Variants in IRAK3 observed in about 807,000 individuals in gnomAD.
IRAK3 encodes interleukin-1 receptor-associated kinase 3.
Under a neutral mutation model 56.6 loss-of-function variants are expected in IRAK3, and 57 were observed. That is an observed-to-expected ratio of 1.01 (90% CI 0.81 to 1.26). The LOEUF is 1.26. IRAK3 is among the 50% of genes most tolerant of loss of function. IRAK3 has a pLI of 0.00. For missense variants in IRAK3, 703 were observed against 719.0 expected, an observed-to-expected ratio of 0.98 and a Z score of 0.25; for synonymous variants, 258 against 255.7, an observed-to-expected ratio of 1.01 and a Z score of -0.09.
rs528657105 is a variant in IRAK3, at chr12:66,248,426, C to T, written c.*255C>T. 48 of 370,264 alleles carry T rather than the reference C, an allele frequency of 1.3e-4. 1 individual carries two copies. In the South Asian group the frequency reaches 2.1e-3, roughly 16 times the overall value. The allele number at this position is 370,264 out of a possible 1,614,324, so 22.9% of individuals were successfully genotyped here. On this transcript the variant is annotated 3_prime_UTR_variant, in exon 12 of 12. Coordinates refer to ENST00000261233, the MANE Select transcript of IRAK3 (RefSeq NM_007199.3). ...GCTCAATTAGAGCCATTCAAAATTC[C>T]TTAAGATCATGGGTTCTGACTTCAG...
At chr12:66,231,671 T>C (rs1304132168) in intron 8 of IRAK3, among the ~76,000 whole-genome samples, 2 of 152,218 alleles carry the variant, frequency 1.3e-5, no homozygotes, top group African/African-American at 2.4e-5. Flanking sequence ...AGAATATTCC[T>C]GGTGGAGGCA....
Position 66,209,513 on chromosome 12 carries a change from T to G in IRAK3, c.374T>G (p.Leu125Ter). 6.4e-7 allele frequency: 1 copy of G among 1,568,448 alleles called. No individual in the cohort carries two copies. The highest frequency in any genetic ancestry group is 8.8e-7 in the Non-Finnish European group (1 of 1,138,652). Residue 125 changes from leucine to a stop codon, truncating the protein, a stop_gained, in exon 3 of 12, where the codon TTA (leucine) becomes TGA (stop). Transcript: ENST00000261233. LOFTEE classifies it high-confidence loss of function. ...SYQEGGFPNI[L>*]FKETANVTVD... ...CAGGAAGGTGGATTTCCAAATATAT[T>G]ATTCAAGGTAGAGTATGTGTGCATA... is the stretch of plus-strand genomic sequence containing the variant.
In IRAK3 at chr12:66,189,227, T is replaced by A; in HGVS notation, c.-73T>A. The A allele has an allele frequency of 1.3e-6, 2 of 1,513,440 alleles. No homozygotes were observed. Among genetic ancestry groups the A allele is most frequent in the Non-Finnish European group, 1.8e-6 (2 of 1,130,454 alleles). 93.8% of individuals were successfully genotyped at this position (1,513,440 alleles called of 1,614,324 possible). On this transcript the variant is annotated 5_prime_UTR_variant, in exon 1 of 12. The change creates a new upstream start codon in the 5' untranslated region. Coordinates refer to ENST00000261233, the MANE Select transcript of IRAK3 (RefSeq NM_007199.3). ...CGTCGTGGAAGCAGGATTTCCGCGGTTGTGTAACGGCCTGTCGCAGGCGTG... is the reference window on the plus strand; with the variant it reads ...CGTCGTGGAAGCAGGATTTCCGCGGATGTGTAACGGCCTGTCGCAGGCGTG...
rs1280946751 is a variant in IRAK3, at chr12:66,254,277, C to T, written c.*6106C>T. On this transcript the variant is annotated 3_prime_UTR_variant, in exon 12 of 12. Coordinates refer to ENST00000261233, the MANE Select transcript of IRAK3 (RefSeq NM_007199.3). ...TATGATATTAAAACATTGGAAACAA[C>T]TGAAACATCCTTCAGTAAAAGATGG... 6.6e-6 allele frequency: 1 copy of T among 152,098 alleles called. No individual in the cohort carries two copies. Among genetic ancestry groups the T allele is most frequent in the Non-Finnish European group, 1.5e-5 (1 of 67,998 alleles). The allele number at this position is 152,098 out of a possible 1,614,324, so 9.4% of individuals were successfully genotyped here. A position where few individuals can be genotyped will look rare whatever the true frequency, so the allele number is the denominator to read the frequency against.
rs1422678991 is a variant in IRAK3 at position 66,249,968 on chromosome 12, G to A, written c.*1797G>A. 6.6e-6 allele frequency: 1 copy of A among 152,154 alleles called. No homozygotes were observed. Among genetic ancestry groups the A allele is most frequent in the African/African-American group, 2.4e-5 (1 of 41,432 alleles). 9.4% of individuals were successfully genotyped at this position (152,154 alleles called of 1,614,324 possible). The stretch of plus-strand genomic sequence containing the variant: ...GACATCTTCGGGGGACCATTACTCT[G>A]TCTGTCATACTCCCTGAGTGTGTAA... On this transcript the variant is annotated 3_prime_UTR_variant, in exon 12 of 12. Coordinates refer to ENST00000261233, the MANE Select transcript of IRAK3 (RefSeq NM_007199.3).
intron 8 of IRAK3, among the ~76,000 whole-genome samples, chr12:66,235,500 G>A (rs1174032669): frequency 6.6e-6 from 1 of 151,842 alleles, no homozygotes; most frequent in Non-Finnish European, 1.5e-5. Flanking sequence ...CGCGGCGCGG[G>A]GCGAGACTCG....
Position 66,209,459 on chromosome 12 carries a change from C to A in IRAK3, c.320C>A (p.Ala107Glu). 1 of 1,599,814 alleles carries A rather than the reference C, an allele frequency of 6.3e-7. No individual in the cohort carries two copies. Among genetic ancestry groups the A allele is most frequent in the Non-Finnish European group, 8.6e-7 (1 of 1,167,422 alleles). ...CCTTCCCATATTTCTCTTTCAGGAG[C>A]AGTGTTGAGTCCTTCAGAGAAGAGT... ...RAIHLITNYG[A>E]VLSPSEKSYQ... Residue 107 changes from alanine to glutamate, a missense_variant, in exon 3 of 12, where the codon GCA (alanine) becomes GAA (glutamate). Coordinates refer to ENST00000261233, the MANE Select transcript of IRAK3 (RefSeq NM_007199.3).
In IRAK3 at chr12:66,245,108, T is replaced by G. The variant is rs771328368; in HGVS notation, c.1160T>G (p.Leu387Arg). 8 of 1,614,022 alleles carry G rather than the reference T, an allele frequency of 5.0e-6. No individual in the cohort carries two copies. The highest frequency in any genetic ancestry group is 5.9e-6 in the Non-Finnish European group (7 of 1,180,008). ...DPKHIQLRDL[L>R]RELMEKRGLD... ...TCCCTCTCTTCCAAGCGGGATCTCC[T>G]TAGAGAATTGATGGAGAAGAGAGGC... The change falls in exon 11 of 12, where the codon CTT (leucine) becomes CGT (arginine). Residue 387 changes from leucine (L) to arginine (R), a missense_variant. Leu to Arg is a moderately radical substitution (Grantham distance 102). Transcript: ENST00000261233.
intron 6 of IRAK3, among the ~76,000 whole-genome samples, chr12:66,222,664 T>G (rs1315264636): frequency 3.2e-4 from 49 of 152,204 alleles, no homozygotes; most frequent in Admixed American, 3.2e-3. Context: ...ATAATATTCC[T>G]TACCTATTTT....
chr12:66,217,215 T>G lies in IRAK3; in HGVS notation c.633T>G (p.Ser211=). The G allele has an allele frequency of 6.2e-7, 1 of 1,611,422 alleles. No individual in the cohort carries two copies. Among genetic ancestry groups the G allele is most frequent in the Non-Finnish European group, 8.5e-7 (1 of 1,177,598 alleles). The change falls in exon 6 of 12, where the codon TCT becomes TCG. Residue 211 remains serine (S), a synonymous_variant. Coordinates refer to ENST00000261233, the MANE Select transcript of IRAK3 (RefSeq NM_007199.3). ...QCKKHWKRFL[S]ELEVLLLFHH... is the part of the protein sequence containing the mutation. ...AGAAGCATTGGAAGAGGTTTTTATC[T>G]GAGCTTGAAGTTTTACTACTGTGAG...
chr12:66,202,538 A>G (rs1430659986), intron 1 of IRAK3, among the ~76,000 whole-genome samples: 1 of 152,114 alleles, frequency 6.6e-6, no homozygotes, highest in East Asian at 1.9e-4. Context: ...TTGGAAGGCC[A>G]AGGCGGGCAG....
intron 1 of IRAK3, among the ~76,000 whole-genome samples, chr12:66,190,750 C>T (rs2052391363): frequency 6.6e-6 from 1 of 152,114 alleles, no homozygotes; most frequent in Non-Finnish European, 1.5e-5. Context: ...GGTCAGGAAA[C>T]TGGTACAAAT....
rs1349303319 is a variant in IRAK3 at position 66,251,085 on chromosome 12, AGTG to A, written c.*2916_*2918del. 2 of 152,192 alleles carry A rather than the reference AGTG, an allele frequency of 1.3e-5. No individual in the cohort carries two copies. Among genetic ancestry groups the A allele is most frequent in the Non-Finnish European group, 2.9e-5 (2 of 68,020 alleles). The allele number at this position is 152,192 out of a possible 1,614,324, so 9.4% of individuals were successfully genotyped here. ...TTACATAGGATGTTGGTTAGCACAG[AGTG>A]GGAGCTCTAGAAAGATTGTTGACCA... On this transcript the variant is annotated 3_prime_UTR_variant, in exon 12 of 12. Transcript: ENST00000261233.
intron 2 of IRAK3, among the ~76,000 whole-genome samples, chr12:66,204,619 T>C (rs2052539416): frequency 6.6e-6 from 1 of 152,238 alleles, no homozygotes; most frequent in South Asian, 2.1e-4. Flanking sequence ...TCAACAATAA[T>C]GATCTTGGGT....
At chr12:66,235,228 A>G (rs2052892020) in intron 8 of IRAK3, 2 of 1,609,170 alleles carry the variant, frequency 1.2e-6, no homozygotes, top group Non-Finnish European at 1.7e-6. Context: ...GCTGCTTGCG[A>G]TAGGGCGTCC....
At chr12:66,213,572 C>T (rs568059489) in intron 5 of IRAK3, among the ~76,000 whole-genome samples, 1 of 152,090 alleles carries the variant, frequency 6.6e-6, no homozygotes, top group South Asian at 2.1e-4. Flanking sequence ...TGTCAAAACC[C>T]ATAGAATATA....
rs60733154 is a variant in IRAK3 at position 66,195,980 on chromosome 12, A to ACC, written c.133+6556_133+6557dup. Among the ~76,000 whole-genome samples, 918 of 141,988 alleles carry ACC rather than the reference A, an allele frequency of 6.5e-3. 17 individuals are homozygous for ACC. The highest frequency in any genetic ancestry group is 0.055 in the South Asian group (244 of 4,452). The allele number at this position is 141,988 out of a possible 152,430, so 93.1% of individuals were successfully genotyped here. A position where few individuals can be genotyped will look rare whatever the true frequency, so the allele number is the denominator to read the frequency against. ...CCATGGCCACTCTTTTAAAATTGAC[A>ACC]CCCCCCCCCACCACTCTCTTATGCC... On this transcript the variant is annotated intron_variant, in intron 1 of 11. Coordinates refer to ENST00000261233, the MANE Select transcript of IRAK3 (RefSeq NM_007199.3).
chr12:66,201,756 A>G (rs1416801735), intron 1 of IRAK3, among the ~76,000 whole-genome samples: 1 of 152,198 alleles, frequency 6.6e-6, no homozygotes, highest in Non-Finnish European at 1.5e-5. Flanking sequence ...CTAGTAAAAC[A>G]TTTCCCTGAT....
In IRAK3 at chr12:66,226,740, T is replaced by C. The variant is rs767072251; in HGVS notation, c.671T>C (p.Ile224Thr). Reference protein sequence around the residue: ...EVLLLFHHPNILELAAYFTET... With the variant: ...EVLLLFHHPNTLELAAYFTET... The stretch of plus-strand genomic sequence containing the variant: ...GTTTCAAGGTTTCATCACCCAAACA[T>C]ACTAGAGTTGGCTGCATATTTTACA... The change falls in exon 7 of 12, where the codon ATA becomes ACA. Residue 224 changes from isoleucine (I) to threonine (T), a missense_variant. Physicochemically the swap from Ile to Thr is moderately conservative, Grantham distance 89. Coordinates refer to ENST00000261233, the MANE Select transcript of IRAK3 (RefSeq NM_007199.3). The C allele has an allele frequency of 8.1e-6, 13 of 1,603,008 alleles. No homozygotes were observed. Among genetic ancestry groups the C allele is most frequent in the Non-Finnish European group, 1.1e-5 (13 of 1,169,838 alleles).
Sources: gnomAD v4.1 joint callset for allele counts (sites outside exome capture counted in the v4.1 genomes callset) on GRCh38, gnomAD v4.1.1 for gene constraint, MANE v1.5 for transcripts, NCBI Gene and HGNC (gene_info 2026-07-23, HGNC 2026-07-21) for gene names.